Variants in GRID2IP observed in about 807,000 individuals in gnomAD.
GRID2IP encodes the protein delphilin.
A neutral mutation model predicts 114.3 loss-of-function variants in GRID2IP; 78 were observed. The ratio of observed to expected loss-of-function variants is 0.68; its 90% CI spans 0.57 to 0.82. The LOEUF (loss-of-function observed/expected upper bound fraction) is 0.82, where lower values mean the gene tolerates loss of function less well. Among genes scored for constraint, GRID2IP ranks in the 40% least tolerant of loss-of-function variants. The pLI, the probability that GRID2IP is intolerant of heterozygous loss-of-function variation, is 0.00. For missense variants in GRID2IP, 1,727 were observed against 1,678.5 expected, an observed-to-expected ratio of 1.03 and a Z score of -0.51; for synonymous variants, 809 against 724.0, an observed-to-expected ratio of 1.12 and a Z score of -1.89.
At chr7:6,537,060 G>T (rs1046395707) in intron 2 of GRID2IP, among the ~76,000 whole-genome samples, 1 of 152,030 alleles carries the variant, frequency 6.6e-6, no homozygotes, top group Non-Finnish European at 1.5e-5. Context: ...AGGAGCAGTC[G>T]CAGGCCCAGG....
intron 2 of GRID2IP, among the ~76,000 whole-genome samples, chr7:6,533,939 T>C (rs1230194998): frequency 2.0e-5 from 3 of 152,088 alleles, no homozygotes; most frequent in Non-Finnish European, 4.4e-5. Flanking sequence ...CATGAACCAC[T>C]GCACCCAGTC....
At chr7:6,549,158 A>C (rs1779930640) in intron 1 of GRID2IP, among the ~76,000 whole-genome samples, 1 of 152,200 alleles carries the variant, frequency 6.6e-6, no homozygotes, top group South Asian at 2.1e-4. Flanking sequence ...TTCTTCTTTT[A>C]TAACCATGTC....
At chr7:6,503,905 T>C (rs1396344595) in intron 15 of GRID2IP, among the ~76,000 whole-genome samples, 1 of 146,768 alleles carries the variant, frequency 6.8e-6, no homozygotes, top group Non-Finnish European at 1.5e-5. Context: ...CGCTTCAATA[T>C]TGGCCTGGGC....
chr7:6,549,195 G>T lies in GRID2IP; in HGVS notation c.429+1813C>A, dbSNP rs151271790. On this transcript the variant is annotated intron_variant, in intron 1 of 21. Coordinates refer to ENST00000457091, the MANE Select transcript of GRID2IP (RefSeq NM_001145118.2). ...CGTCCCAGGTTTCTTGGAATTGCCT[G>T]GATCTGTCCAGTAAATGGCAGGTTC... is the stretch of plus-strand genomic sequence containing the variant. 4.9e-4 allele frequency among the ~76,000 whole-genome samples: 74 copies of T among 152,284 alleles called. 3 individuals carry two copies. Among genetic ancestry groups the T allele is most frequent in the African/African-American group, 1.7e-3 (69 of 41,556 alleles).
chr7:6,502,008 G>A lies in GRID2IP; in HGVS notation c.3261C>T (p.Thr1087=), dbSNP rs371218539. The A allele has an allele frequency of 6.1e-5, 95 of 1,551,320 alleles. No individual in the cohort carries two copies. The African/African-American group carries it at 1.0e-3, about 17-fold the overall frequency. The change falls in exon 19 of 22, where the codon ACC becomes ACT. Residue 1087 remains threonine, a synonymous_variant. Coordinates refer to ENST00000457091, the MANE Select transcript of GRID2IP (RefSeq NM_001145118.2). ...GCATACCTTTGGCAGCCAGGGGCAC[G>A]GTGGGCAGGTCCTGAGCAAAGCCCA... is the stretch of plus-strand genomic sequence containing the variant. The part of the protein sequence containing the change: ...ELLGFAQDLP[T]VPLAAKVNQR...
chr7:6,525,115 G>A (rs530652330), intron 4 of GRID2IP, among the ~76,000 whole-genome samples: 1 of 152,090 alleles, frequency 6.6e-6, no homozygotes, highest in Admixed American at 6.5e-5. Flanking sequence ...GACCAGCCTG[G>A]CCAACATGAC....
Position 6,532,530 on chromosome 7 carries a change from C to T in GRID2IP, c.585-5761G>A, listed in dbSNP as rs961640811. On this transcript the variant is annotated intron_variant, in intron 2 of 21. Transcript: ENST00000457091. This position sits in a 1 kb window ranked among gnomAD's most constrained non-coding sequence, Gnocchi z 4.4. ...TGCAAGACCATCACTTTGCTGTGACCCCCCGTGGCTGTACTTCTTCCTGGA... is the reference window on the plus strand; with the variant it reads ...TGCAAGACCATCACTTTGCTGTGACTCCCCGTGGCTGTACTTCTTCCTGGA... Among the ~76,000 whole-genome samples, 14 of 152,118 alleles carry T rather than the reference C, an allele frequency of 9.2e-5. No individual in the cohort carries two copies. Among genetic ancestry groups the T allele is most frequent in the African/African-American group, 3.4e-4 (14 of 41,402 alleles).
At position 6,514,495 on chromosome 7, in the gene GRID2IP, C is replaced by A. The variant is rs115745154; in HGVS notation, c.1303G>T (p.Val435Leu). ...ACCTGCTTGGCAGGGGTGTCCAGCACAGGGTAGACGTCAACGATGAGGGTG... is the reference window on the plus strand; with the variant it reads ...ACCTGCTTGGCAGGGGTGTCCAGCAAAGGGTAGACGTCAACGATGAGGGTG... ...IDTLIVDVYP[V>L]LDTPAKQVLW... is the part of the protein sequence containing the mutation. The change falls in exon 8 of 22, where the codon GTG (valine) becomes TTG (leucine). Residue 435 changes from valine to leucine, a missense_variant. Physicochemically the swap from Val to Leu is conservative, Grantham distance 32 (BLOSUM62 1). Transcript: ENST00000457091. The A allele has an allele frequency of 3.6e-3, 5,568 of 1,546,362 alleles. 79 individuals are homozygous for A. The African/African-American group carries it at 0.044, about 12-fold the overall frequency.
At chr7:6,550,847 T>C (rs561669678) in intron 1 of GRID2IP, among the ~76,000 whole-genome samples, 161 bp downstream of exon 1, 124 of 151,454 alleles carry the variant, frequency 8.2e-4, no homozygotes, top group Non-Finnish European at 1.3e-3. Flanking sequence ...AAATGCAAAA[T>C]TGTTTGCAAG....
intron 17 of GRID2IP, 68 bp from the exon 18 acceptor site, chr7:6,502,940 G>T: frequency 3.9e-6 from 6 of 1,543,692 alleles, no homozygotes; most frequent in Non-Finnish European, 5.3e-6. Context: ...GTCTGGATGG[G>T]CCTCCAGGCT....
rs1028864209 is a variant in GRID2IP, at chr7:6,508,842, C to A, written c.2127+116G>T. On this transcript the variant is annotated intron_variant, in intron 12 of 21. Coordinates refer to ENST00000457091, the MANE Select transcript of GRID2IP (RefSeq NM_001145118.2). This position sits in a 1 kb window ranked among gnomAD's most constrained non-coding sequence, Gnocchi z 5.6. ...TAGCTTGAGCTAGGGAGTGGGATAG[C>A]CTGGGGAAGATCCCAAGGGCAGCAG... 87 of 1,440,642 alleles carry A rather than the reference C, an allele frequency of 6.0e-5. No individual in the cohort carries two copies. In the African/African-American group the frequency reaches 1.2e-3, roughly 20 times the overall value. 89.2% of individuals were successfully genotyped at this position (1,440,642 alleles called of 1,614,324 possible). A position where few individuals can be genotyped will look rare whatever the true frequency, so the allele number is the denominator to read the frequency against.
Position 6,534,841 on chromosome 7 carries a change from A to G in GRID2IP, c.584+4877T>C, listed in dbSNP as rs930645398. 6.6e-5 allele frequency among the ~76,000 whole-genome samples: 10 copies of G among 152,010 alleles called. No individual in the cohort carries two copies. Among genetic ancestry groups the G allele is most frequent in the Non-Finnish European group, 1.5e-4 (10 of 67,978 alleles). On this transcript the variant is annotated intron_variant, in intron 2 of 21. Coordinates refer to ENST00000457091, the MANE Select transcript of GRID2IP (RefSeq NM_001145118.2). This position sits in a 1 kb window ranked among gnomAD's most constrained non-coding sequence, Gnocchi z 4.5. Reference sequence around the variant, plus strand: ...GCGATTCTTCTGCTTCAGCCTCCCAAAGTAGCTGGGATTACTGGCAACTGC... The same window carrying G: ...GCGATTCTTCTGCTTCAGCCTCCCAGAGTAGCTGGGATTACTGGCAACTGC...
chr7:6,527,721 C>T (rs1373540979), intron 2 of GRID2IP, among the ~76,000 whole-genome samples: 1 of 152,106 alleles, frequency 6.6e-6, no homozygotes, highest in Non-Finnish European at 1.5e-5. Context: ...GCCTCAGCCT[C>T]CCTTGTAGCT....
rs1779557551 is a variant in GRID2IP at position 6,528,453 on chromosome 7, A to T, written c.585-1684T>A. 1.3e-5 allele frequency among the ~76,000 whole-genome samples: 2 copies of T among 152,176 alleles called. No homozygotes were observed. The highest frequency in any genetic ancestry group is 4.1e-4 in the South Asian group (2 of 4,834). ...CAGCTGGCATCAGAGAACAGACTTC[A>T]GCGCTCAGCACTGTGGCAGGACCTC... On this transcript the variant is annotated intron_variant, in intron 2 of 21. Transcript: ENST00000457091. This position sits in a 1 kb window ranked among gnomAD's most constrained non-coding sequence, Gnocchi z 6.0.
At chr7:6,545,156 C>T (rs1779868741) in intron 1 of GRID2IP, among the ~76,000 whole-genome samples, 1 of 151,732 alleles carries the variant, frequency 6.6e-6, no homozygotes, top group Non-Finnish European at 1.5e-5. Flanking sequence ...CTTGTATTCC[C>T]AGCTACCAGA....
Position 6,507,194 on chromosome 7 carries a change from T to C in GRID2IP, c.2544+791A>G, listed in dbSNP as rs975914832. On this transcript the variant is annotated intron_variant, in intron 13 of 21. Transcript: ENST00000457091. This position sits in a 1 kb window ranked among gnomAD's most constrained non-coding sequence, Gnocchi z 5.3. ...CATGAGCACTGGGACGGGGCAGCCC[T>C]GGGAGCTGGAAGGAGCCCCTGCCAT... Among the ~76,000 whole-genome samples the C allele has an allele frequency of 6.6e-6, 1 of 152,302 alleles. No individual in the cohort carries two copies. The highest frequency in any genetic ancestry group is 2.1e-4 in the South Asian group (1 of 4,826).
Position 6,551,317 on chromosome 7 carries a change from G to A in GRID2IP, c.120C>T (p.Ala40=), listed in dbSNP as rs937048848. 41 of 1,545,536 alleles carry A rather than the reference G, an allele frequency of 2.7e-5. No homozygotes were observed. The African/African-American group carries it at 4.7e-4, about 18-fold the overall frequency. Residue 40 remains alanine, a synonymous_variant, in exon 1 of 22, where the codon GCC becomes GCT. Transcript: ENST00000457091. ...TCTGGTCTCCTGGCCGCAGTCCTCC[G>A]GCATGCGCGCTGCTCCCCTTGGCCA... is the stretch of plus-strand genomic sequence containing the variant. ...LEVAKGSSAH[A]GGLRPGDQIL...
At position 6,526,848 on chromosome 7, in the gene GRID2IP, C is replaced by G. The variant is rs181164075; in HGVS notation, c.585-79G>C. 1.5e-6 allele frequency: 2 copies of G among 1,370,308 alleles called. No homozygotes were observed. The highest frequency in any genetic ancestry group is 1.9e-6 in the Non-Finnish European group (2 of 1,058,570). 84.9% of individuals were successfully genotyped at this position (1,370,308 alleles called of 1,614,324 possible). A position where few individuals can be genotyped will look rare whatever the true frequency, so the allele number is the denominator to read the frequency against. ...AAACCGCGGCCCGAAGGCGCGTCCTCGCGGGCGCCGCCCTAGGCTCTCCCA... is the reference window on the plus strand; with the variant it reads ...AAACCGCGGCCCGAAGGCGCGTCCTGGCGGGCGCCGCCCTAGGCTCTCCCA... On this transcript the variant is annotated intron_variant, in intron 2 of 21. Coordinates refer to ENST00000457091, the MANE Select transcript of GRID2IP (RefSeq NM_001145118.2). This position sits in a 1 kb window ranked among gnomAD's most constrained non-coding sequence, Gnocchi z 7.6.
At position 6,523,005 on chromosome 7, in the gene GRID2IP, T is replaced by G. The variant is rs570631894; in HGVS notation, c.920-1048A>C. On this transcript the variant is annotated intron_variant, in intron 4 of 21. Coordinates refer to ENST00000457091, the MANE Select transcript of GRID2IP (RefSeq NM_001145118.2). The surrounding 1 kb of genome is among the most constrained non-coding windows in gnomAD (Gnocchi z 4.5). ...TTTTTGTAGAGACGAAGTTTCACCA[T>G]GTTGCCCAGGCTGGTCTCAAACTCC... Among the ~76,000 whole-genome samples the G allele has an allele frequency of 1.3e-4, 20 of 152,152 alleles. No individual in the cohort carries two copies. The highest frequency in any genetic ancestry group is 2.4e-4 in the Non-Finnish European group (16 of 68,036).
Sources: allele counts gnomAD v4.1 joint callset (sites outside exome capture counted in the v4.1 genomes callset), GRCh38; gene constraint gnomAD v4.1.1; non-coding constraint Gnocchi (gnomAD v3.1); transcripts MANE v1.5; gene names NCBI Gene and HGNC (gene_info 2026-07-23, HGNC 2026-07-21).